The following PBX3 variants were observed in gnomAD, a reference collection of about 807,000 sequenced individuals.
PBX3 encodes PBX homeobox 3, also known as pre-B-cell leukemia transcription factor 3.
PBX3 carries 14 observed loss-of-function variants against 48.5 expected under a neutral mutation model. The ratio of observed to expected loss-of-function variants is 0.29; its 90% CI spans 0.19 to 0.45. The LOEUF (loss-of-function observed/expected upper bound fraction) is 0.45, where lower values mean the gene tolerates loss of function less well. Among genes scored for constraint, PBX3 ranks in the 20% least tolerant of loss-of-function variants. The probability of loss-of-function intolerance (pLI) is 1.00; values close to 1 mark genes in which losing one functional copy is unlikely to be tolerated. For synonymous variants in PBX3, 210 were observed against 200.3 expected (o/e 1.05, Z -0.41); for missense variants, 386 against 546.7 (o/e 0.71, Z 2.93).
intron 6 of PBX3, 128 bp downstream of exon 6, chr9:125,960,977 A>C (rs1054699574): frequency 7.6e-6 from 7 of 926,736 alleles, no homozygotes; most frequent in South Asian, 1.9e-5. Flanking sequence ...TTTATGTTCA[A>C]ATGCAGGCTT....
intron 3 of PBX3, among the ~76,000 whole-genome samples, chr9:125,919,790 A>C (rs1841418109): frequency 6.6e-6 from 1 of 152,208 alleles, no homozygotes; most frequent in African/African-American, 2.4e-5. Context: ...CACTGCAGTA[A>C]ATTAAAGTAC....
intron 7 of PBX3, 24 bp from the exon 8 acceptor site, chr9:125,962,988 A>C (rs753690304): frequency 5.8e-6 from 8 of 1,372,010 alleles, no homozygotes; most frequent in Admixed American, 5.3e-5. Flanking sequence ...TGGGATGATG[A>C]ATTTTGTTTT....
At chr9:125,940,710 G>A (rs932769562) in intron 5 of PBX3, among the ~76,000 whole-genome samples, 1 of 152,184 alleles carries the variant, frequency 6.6e-6, no homozygotes, top group Non-Finnish European at 1.5e-5. Flanking sequence ...ATAATGCTAA[G>A]TAAAAGAAGT....
intron 5 of PBX3, among the ~76,000 whole-genome samples, chr9:125,952,481 A>G (rs1373487115): frequency 6.6e-6 from 1 of 152,252 alleles, no homozygotes; most frequent in Non-Finnish European, 1.5e-5. Context: ...AAGCTAATTA[A>G]TAAATTGGCT....
At chr9:125,805,994 A>G (rs768458783) in intron 2 of PBX3, among the ~76,000 whole-genome samples, 36 of 152,200 alleles carry the variant, frequency 2.4e-4, no homozygotes, top group Non-Finnish European at 4.1e-4. Context: ...CTATATATCT[A>G]TGTATCTATG....
intron 2 of PBX3, among the ~76,000 whole-genome samples, chr9:125,844,234 G>A (rs1839365467): frequency 6.7e-6 from 1 of 149,900 alleles, no homozygotes; most frequent in African/African-American, 2.5e-5. Flanking sequence ...CATTGAACTT[G>A]AAGAGAGTTA....
chr9:125,763,676 T>C (rs1419857664), intron 2 of PBX3, among the ~76,000 whole-genome samples: 1 of 152,174 alleles, frequency 6.6e-6, no homozygotes, highest in Non-Finnish European at 1.5e-5. Flanking sequence ...CGATGATGTT[T>C]GGGATGACAG....
intron 2 of PBX3, among the ~76,000 whole-genome samples, chr9:125,830,716 A>G (rs1229640162): frequency 6.6e-6 from 1 of 152,170 alleles, no homozygotes; most frequent in African/African-American, 2.4e-5. Context: ...AACTTAATAA[A>G]TGGAGGTAAT....
At chr9:125,961,551 G>A (rs1171311090) in intron 6 of PBX3, among the ~76,000 whole-genome samples, 1 of 152,172 alleles carries the variant, frequency 6.6e-6, no homozygotes, top group Non-Finnish European at 1.5e-5. Context: ...TTTCTGAGAA[G>A]GTCTCTTAGC....
intron 2 of PBX3, among the ~76,000 whole-genome samples, chr9:125,898,649 C>G (rs972526752): frequency 4.6e-5 from 7 of 151,592 alleles, no homozygotes; most frequent in Non-Finnish European, 3.0e-5. Context: ...CATGACTTGC[C>G]CAAGGCCATA....
intron 2 of PBX3, among the ~76,000 whole-genome samples, chr9:125,760,885 G>A (rs1395626840): frequency 1.3e-5 from 2 of 152,114 alleles, no homozygotes; most frequent in Non-Finnish European, 2.9e-5. Context: ...CATTTAAAAA[G>A]TAAATGTTCT....
chr9:125,831,393 A>G (rs1003672211), intron 2 of PBX3, among the ~76,000 whole-genome samples: 7 of 149,754 alleles, frequency 4.7e-5, no homozygotes, highest in African/African-American at 1.2e-4. Context: ...AAAATGGTCC[A>G]CTTGTTATTC....
intron 2 of PBX3, among the ~76,000 whole-genome samples, chr9:125,779,245 C>CTTTT (rs34221799): frequency 3.9e-5 from 5 of 127,844 alleles, no homozygotes; most frequent in Non-Finnish European, 6.5e-5. Flanking sequence ...AACTTTGTTC[C>CTTTT]TTTTTTTTTT....
intron 5 of PBX3, among the ~76,000 whole-genome samples, chr9:125,937,024 C>T (rs1338627863): frequency 3.9e-5 from 6 of 152,172 alleles, no homozygotes; most frequent in East Asian, 1.9e-4. Flanking sequence ...GATGATGCCA[C>T]GCCTGGTTTT....
chr9:125,874,569 T>C (rs1840204442), intron 2 of PBX3, among the ~76,000 whole-genome samples: 1 of 152,176 alleles, frequency 6.6e-6, no homozygotes, highest in Non-Finnish European at 1.5e-5. Flanking sequence ...TCAATCAGCT[T>C]GACCTAATTG....
At chr9:125,842,667 A>AT (rs1839319793) in intron 2 of PBX3, among the ~76,000 whole-genome samples, 1 of 152,144 alleles carries the variant, frequency 6.6e-6, no homozygotes, top group African/African-American at 2.4e-5. Flanking sequence ...TTGACCCAAG[A>AT]TTATGGGGTT....
At chr9:125,890,340 G>T (rs1183289272) in intron 2 of PBX3, among the ~76,000 whole-genome samples, 1 of 152,176 alleles carries the variant, frequency 6.6e-6, no homozygotes, top group African/African-American at 2.4e-5. Context: ...AATTGGCTCT[G>T]AAGTATCCTA....
intron 2 of PBX3, chr9:125,749,567 T>C (rs1434933000): frequency 1.3e-5 from 2 of 151,472 alleles, no homozygotes; most frequent in East Asian, 3.8e-4. Flanking sequence ...TTTCTTTTTT[T>C]TTTTTTTTTT....
At chr9:125,783,906 T>C (rs1378674617) in intron 2 of PBX3, among the ~76,000 whole-genome samples, 1 of 151,858 alleles carries the variant, frequency 6.6e-6, no homozygotes, top group Non-Finnish European at 1.5e-5. Context: ...GACGCTGAGG[T>C]GGGAGGATCA....
Sources: gnomAD v4.1 joint callset for allele counts (sites outside exome capture counted in the v4.1 genomes callset) on GRCh38, gnomAD v4.1.1 for gene constraint, MANE v1.5 for transcripts, NCBI Gene and HGNC (gene_info 2026-07-23, HGNC 2026-07-21) for gene names.